Variants in SREK1IP1 observed in about 807,000 individuals in gnomAD.
SREK1IP1 encodes SREK1 interacting protein 1.
SREK1IP1 carries 12 observed loss-of-function variants against 22.8 expected under a neutral mutation model. The observed-to-expected ratio is 0.53, with a 90% confidence interval of 0.34 to 0.85. SREK1IP1 has a LOEUF of 0.85. SREK1IP1 is among the 40% of genes least tolerant of loss of function. SREK1IP1 has a pLI of 0.02. For missense variants in SREK1IP1, 147 were observed against 171.8 expected (o/e 0.86, Z 0.81); for synonymous variants, 53 against 52.7 (o/e 1.01, Z -0.02).
At chr5:64,745,976 T>C (rs2112100796) in intron 2 of SREK1IP1, among the ~76,000 whole-genome samples, 1 of 152,306 alleles carries the variant, frequency 6.6e-6, no homozygotes, top group East Asian at 1.9e-4. Flanking sequence ...TTAAAATTTA[T>C]TATAAATCTA....
chr5:64,727,431 C>T (rs1742289924), intron 4 of SREK1IP1, among the ~76,000 whole-genome samples: 2 of 141,866 alleles, frequency 1.4e-5, no homozygotes, highest in Non-Finnish European at 3.0e-5. Flanking sequence ...TCCTTCAGGT[C>T]TTTCACAACC....
chr5:64,737,888 C>T (rs950970443), intron 3 of SREK1IP1, among the ~76,000 whole-genome samples: 3 of 152,052 alleles, frequency 2.0e-5, no homozygotes, highest in Non-Finnish European at 2.9e-5. Context: ...ATGAAGAAAT[C>T]GAAAATAGGA....
chr5:64,767,848 C>T (rs914680004), intron 1 of SREK1IP1, among the ~76,000 whole-genome samples: 1 of 152,150 alleles, frequency 6.6e-6, no homozygotes, highest in South Asian at 2.1e-4. Context: ...CTAGAACTTC[C>T]AAGTAAGCTG....
intron 1 of SREK1IP1, among the ~76,000 whole-genome samples, chr5:64,759,761 C>T (rs9291820): frequency 0.44 from 67,245 of 151,990 alleles, 17,897 homozygotes; most frequent in African/African-American, 0.74. Context: ...CTCAGTCTTA[C>T]TTAAAACAGG....
chr5:64,759,246 A>G (rs1416149217), intron 1 of SREK1IP1, among the ~76,000 whole-genome samples: 1 of 152,190 alleles, frequency 6.6e-6, no homozygotes, highest in African/African-American at 2.4e-5. Context: ...GCTTAAGTTA[A>G]CTAGTCAGTT....
At chr5:64,732,915 T>TG (rs1742402468) in intron 3 of SREK1IP1, among the ~76,000 whole-genome samples, 1 of 150,454 alleles carries the variant, frequency 6.6e-6, no homozygotes, top group African/African-American at 2.4e-5. Flanking sequence ...ACTGATTTTT[T>TG]GGGGAAAAAA....
At chr5:64,738,749 G>C (rs1290014235) in intron 3 of SREK1IP1, among the ~76,000 whole-genome samples, 2 of 152,098 alleles carry the variant, frequency 1.3e-5, no homozygotes, top group African/African-American at 4.8e-5. Flanking sequence ...TTCAGCAAAT[G>C]GTCTTGGGTC....
intron 3 of SREK1IP1, among the ~76,000 whole-genome samples, chr5:64,730,600 T>C (rs906006518): frequency 1.3e-5 from 2 of 152,096 alleles, no homozygotes; most frequent in African/African-American, 2.4e-5. Context: ...TGGATATATA[T>C]ATATGCAAAT....
At chr5:64,738,474 T>C (rs1389199711) in intron 3 of SREK1IP1, among the ~76,000 whole-genome samples, 5 of 152,210 alleles carry the variant, frequency 3.3e-5, no homozygotes, top group Admixed American at 2.0e-4. Context: ...TTGACAGATA[T>C]ATAAAACATA....
At chr5:64,757,457 T>C (rs1322434502) in intron 1 of SREK1IP1, among the ~76,000 whole-genome samples, 3 of 152,228 alleles carry the variant, frequency 2.0e-5, no homozygotes, top group Non-Finnish European at 4.4e-5. Flanking sequence ...AATGCAAGTA[T>C]TGTTCTAATG....
At chr5:64,726,590 A>G (rs1298659679) in intron 4 of SREK1IP1, among the ~76,000 whole-genome samples, 3 of 151,930 alleles carry the variant, frequency 2.0e-5, no homozygotes, top group East Asian at 3.9e-4. Flanking sequence ...AAAAAAAAAA[A>G]AAAGAAATAT....
chr5:64,739,949 A>G (rs1250456292), intron 3 of SREK1IP1, among the ~76,000 whole-genome samples: 1 of 152,170 alleles, frequency 6.6e-6, no homozygotes, highest in Admixed American at 6.6e-5. Context: ...TCTAAACTAA[A>G]ATGAATTTAA....
chr5:64,727,551 A>ATTTTTTTTTT (rs1298889800), intron 4 of SREK1IP1: 2 of 98,560 alleles, frequency 2.0e-5, no homozygotes, highest in African/African-American at 1.1e-4. Context: ...ATATATATAT[A>ATTTTTTTTTT]TATTTTTTTT....
intron 1 of SREK1IP1, among the ~76,000 whole-genome samples, chr5:64,764,523 G>C (rs142918664): frequency 3.3e-5 from 5 of 152,294 alleles, no homozygotes; most frequent in African/African-American, 1.2e-4. Flanking sequence ...GTGGTGGAAG[G>C]AAAGAGTAGA....
At chr5:64,766,469 GACC>G (rs1164300517) in intron 1 of SREK1IP1, among the ~76,000 whole-genome samples, 3 of 152,080 alleles carry the variant, frequency 2.0e-5, no homozygotes, top group Non-Finnish European at 1.5e-5. Flanking sequence ...TACCTATTGA[GACC>G]ACATCTCAGC....
rs1226614661 is a variant in SREK1IP1 at position 64,721,017 on chromosome 5, G to T, written c.*3367C>A. The T allele has an allele frequency of 1.3e-5, 2 of 152,142 alleles. No individual in the cohort carries two copies. Among genetic ancestry groups the T allele is most frequent in the Non-Finnish European group, 2.9e-5 (2 of 68,026 alleles). The allele number at this position is 152,142 out of a possible 1,614,324, so 9.4% of individuals were successfully genotyped here. A position where few individuals can be genotyped will look rare whatever the true frequency, so the allele number is the denominator to read the frequency against. ...CATAACACAGCTTGTTCTACCTCTG[G>T]TGTTTGTTCACAGTACCCACTCTGT... is the stretch of plus-strand genomic sequence containing the variant. On this transcript the variant is annotated 3_prime_UTR_variant, in exon 5 of 5. Transcript: ENST00000513458.
At position 64,731,521 on chromosome 5, in the gene SREK1IP1, CA is replaced by C. The variant is rs10599290; in HGVS notation, c.206-3343del. 9.8e-3 allele frequency among the ~76,000 whole-genome samples: 734 copies of C among 74,630 alleles called. 9 individuals are homozygous for C. The highest frequency in any genetic ancestry group is 0.017 in the Middle Eastern group (2 of 116). 49.0% of individuals were successfully genotyped at this position (74,630 alleles called of 152,430 possible). ...TAGACAACAGAGTGGGCCCTTGTCT[CA>C]AAAAAAAAAAAAAAAAGAGGACAGG... On this transcript the variant is annotated intron_variant, in intron 3 of 4. Coordinates refer to ENST00000513458, the MANE Select transcript of SREK1IP1 (RefSeq NM_173829.4).
chr5:64,752,933 G>GT (rs1292951990), intron 2 of SREK1IP1, among the ~76,000 whole-genome samples: 1 of 152,118 alleles, frequency 6.6e-6, no homozygotes, highest in African/African-American at 2.4e-5. Flanking sequence ...ATCAGAAATT[G>GT]TTTAACAACT....
intron 1 of SREK1IP1, 125 bp from the exon 2 acceptor site, chr5:64,754,487 C>A: frequency 1.2e-5 from 10 of 846,016 alleles, no homozygotes; most frequent in Non-Finnish European, 1.9e-5. Flanking sequence ...GTTGTTGAGA[C>A]AAGGTGTCAC....
Sources: gnomAD v4.1 joint callset for allele counts (sites outside exome capture counted in the v4.1 genomes callset) on GRCh38, gnomAD v4.1.1 for gene constraint, MANE v1.5 for transcripts, NCBI Gene and HGNC (gene_info 2026-07-23, HGNC 2026-07-21) for gene names.